The following DTNA variants were observed in gnomAD, a reference collection of about 807,000 sequenced individuals.
DTNA encodes the protein dystrobrevin alpha.
DTNA carries 43 observed loss-of-function variants against 100.7 expected under a neutral mutation model. That is an observed-to-expected ratio of 0.43 (90% CI 0.33 to 0.55). The LOEUF (loss-of-function observed/expected upper bound fraction) is 0.55. Among genes scored for constraint, DTNA ranks in the 20% least tolerant of loss-of-function variants. The pLI, the probability that DTNA is intolerant of heterozygous loss-of-function variation, is 0.04. For missense variants in DTNA, 798 were observed against 953.9 expected, an observed-to-expected ratio of 0.84 and a Z score of 2.15; for synonymous variants, 349 against 347.9, an observed-to-expected ratio of 1.00 and a Z score of -0.04.
At chr18:34,507,919 T>A (rs1257458860) in intron 1 of DTNA, among the ~76,000 whole-genome samples, 1 of 152,160 alleles carries the variant, frequency 6.6e-6, no homozygotes, top group Non-Finnish European at 1.5e-5. Flanking sequence ...CTTGACTGGG[T>A]TTTTGGAAAA....
At chr18:34,550,796 T>C (rs2045325398) in intron 1 of DTNA, among the ~76,000 whole-genome samples, 1 of 152,204 alleles carries the variant, frequency 6.6e-6, no homozygotes, top group African/African-American at 2.4e-5. Context: ...CTGGATGTTA[T>C]ATTTCTAATC....
chr18:34,760,530 C>T (rs2093078521), intron 2 of DTNA, among the ~76,000 whole-genome samples: 1 of 152,206 alleles, frequency 6.6e-6, no homozygotes, highest in African/African-American at 2.4e-5. Context: ...CCAGCCTTGC[C>T]TACTTGTTTT....
chr18:34,682,126 G>C (rs1055763632), intron 1 of DTNA, among the ~76,000 whole-genome samples: 2 of 152,084 alleles, frequency 1.3e-5, no homozygotes, highest in Non-Finnish European at 2.9e-5. Flanking sequence ...TTCATGGCTT[G>C]ATAGTTCATT....
chr18:34,602,444 T>C (rs2052069924), intron 1 of DTNA, among the ~76,000 whole-genome samples: 1 of 152,222 alleles, frequency 6.6e-6, no homozygotes, highest in African/African-American at 2.4e-5. Flanking sequence ...ACTAAAGGGA[T>C]ATGTTTGACT....
Position 34,848,505 on chromosome 18 carries a change from G to A in DTNA, c.1434+122G>A, listed in dbSNP as rs956394442. ...AGGACAATTTGTGCTAATTTATTGT[G>A]CATGTGTTTGTTGCTAAGTTTGTGG... On this transcript the variant is annotated intron_variant, in intron 14 of 22. Coordinates refer to ENST00000444659, the MANE Select transcript of DTNA (RefSeq NM_001386795.1). 12 of 1,075,998 alleles carry A rather than the reference G, an allele frequency of 1.1e-5. No homozygotes were observed. In the African/African-American group the frequency reaches 1.4e-4, roughly 13 times the overall value. 66.7% of individuals were successfully genotyped at this position (1,075,998 alleles called of 1,614,324 possible). A position where few individuals can be genotyped will look rare whatever the true frequency, so the allele number is the denominator to read the frequency against.
At chr18:34,587,246 G>C (rs985209468) in intron 1 of DTNA, among the ~76,000 whole-genome samples, 1 of 151,750 alleles carries the variant, frequency 6.6e-6, no homozygotes, top group African/African-American at 2.4e-5. Flanking sequence ...TTGCAAGCAT[G>C]TTATATTGGT....
intron 7 of DTNA, among the ~76,000 whole-genome samples, chr18:34,817,748 C>A (rs190268548): frequency 6.6e-6 from 1 of 152,158 alleles, no homozygotes; most frequent in East Asian, 1.9e-4. Context: ...CTCTGATATT[C>A]GCTCTCTTCC....
chr18:34,862,270 T>C (rs140578928), intron 16 of DTNA, among the ~76,000 whole-genome samples: 148 of 151,982 alleles, frequency 9.7e-4, no homozygotes, highest in Middle Eastern at 3.4e-3. Context: ...TTAAAGCATA[T>C]AAAATTATGA....
chr18:34,864,160 T>C, intron 17 of DTNA, 98 bp downstream of exon 17: 1 of 1,061,398 alleles, frequency 9.4e-7, no homozygotes, highest in African/African-American at 1.6e-5. Flanking sequence ...TTGCTGTATG[T>C]GATTTCCCTC....
chr18:34,725,377 A>G (rs1231104333), intron 1 of DTNA, among the ~76,000 whole-genome samples: 1 of 151,570 alleles, frequency 6.6e-6, no homozygotes, highest in Non-Finnish European at 1.5e-5. Flanking sequence ...TAGAATCTAC[A>G]AAGAACTTAA....
At chr18:34,704,383 T>G (rs1423519181) in intron 1 of DTNA, among the ~76,000 whole-genome samples, 1 of 152,198 alleles carries the variant, frequency 6.6e-6, no homozygotes, top group African/African-American at 2.4e-5. Context: ...TTAGAATGTG[T>G]ACTGTGCTGA....
intron 1 of DTNA, among the ~76,000 whole-genome samples, chr18:34,540,811 A>G (rs1478628620): frequency 6.6e-6 from 1 of 152,106 alleles, no homozygotes; most frequent in South Asian, 2.1e-4. Flanking sequence ...GCTTCTCTAA[A>G]CCAGACATGA....
chr18:34,686,617 T>A (rs1310308533), intron 1 of DTNA, among the ~76,000 whole-genome samples: 2 of 152,202 alleles, frequency 1.3e-5, no homozygotes, highest in African/African-American at 2.4e-5. Context: ...GTTGTGTCCC[T>A]GCCAGGTTTT....
At chr18:34,847,924 T>G (rs953101931) in intron 13 of DTNA, among the ~76,000 whole-genome samples, 1 of 152,230 alleles carries the variant, frequency 6.6e-6, no homozygotes, top group African/African-American at 2.4e-5. Flanking sequence ...TCTTCTTGCT[T>G]TCCTATTTTC....
intron 22 of DTNA, among the ~76,000 whole-genome samples, chr18:34,886,137 G>T (rs569366236): frequency 6.6e-6 from 1 of 152,312 alleles, no homozygotes; most frequent in South Asian, 2.1e-4. Flanking sequence ...TTTGAAAAAG[G>T]AATAAATATC....
chr18:34,518,574 A>C (rs1347323614), intron 1 of DTNA, among the ~76,000 whole-genome samples: 1 of 151,360 alleles, frequency 6.6e-6, no homozygotes, highest in Non-Finnish European at 1.5e-5. Flanking sequence ...TCTATGATCT[A>C]TTTGGAGTTA....
intron 1 of DTNA, among the ~76,000 whole-genome samples, chr18:34,576,688 A>T (rs577776813): frequency 6.6e-6 from 1 of 152,006 alleles, no homozygotes; most frequent in Non-Finnish European, 1.5e-5. Flanking sequence ...CGAATTCCCA[A>T]CCTCAGGTGA....
At chr18:34,531,392 A>G (rs1372503925) in intron 1 of DTNA, among the ~76,000 whole-genome samples, 1 of 152,130 alleles carries the variant, frequency 6.6e-6, no homozygotes, top group Admixed American at 6.6e-5. Context: ...CTCCTGGTGC[A>G]TTAGTATTTT....
intron 1 of DTNA, among the ~76,000 whole-genome samples, chr18:34,589,913 T>A (rs1365605044): frequency 2.2e-4 from 33 of 151,918 alleles, no homozygotes. Flanking sequence ...CCTCTAAGTT[T>A]ATCCATGTTA....
Sources: allele counts gnomAD v4.1 joint callset (sites outside exome capture counted in the v4.1 genomes callset), GRCh38; gene constraint gnomAD v4.1.1; transcripts MANE v1.5; gene names NCBI Gene and HGNC (gene_info 2026-07-23, HGNC 2026-07-21).